The following GALNT10 variants were observed in gnomAD, a reference collection of about 807,000 sequenced individuals.
The protein encoded by GALNT10 is GalNAc transferase 10.
A neutral mutation model predicts 75.0 loss-of-function variants in GALNT10; 41 were observed. The ratio of observed to expected loss-of-function variants is 0.55; its 90% CI spans 0.43 to 0.71. The LOEUF is 0.71. Among genes scored for constraint, GALNT10 ranks in the 30% least tolerant of loss-of-function variants. The pLI, the probability that GALNT10 is intolerant of heterozygous loss-of-function variation, is 0.00. For synonymous variants in GALNT10, 302 were observed against 313.0 expected (o/e 0.96, Z 0.37); for missense variants, 727 against 818.5 (o/e 0.89, Z 1.36).
intron 4 of GALNT10, among the ~76,000 whole-genome samples, chr5:154,355,432 T>C (rs561775962): frequency 2.4e-4 from 36 of 152,334 alleles, no homozygotes; most frequent in Admixed American, 9.8e-4. Flanking sequence ...GCTTGAATGG[T>C]TGGCCTCTCG....
chr5:154,342,319 C>A lies in GALNT10; in HGVS notation c.568+12581C>A, dbSNP rs1431340224. Reference sequence around the variant, plus strand: ...AGTCTGGTGGCCGAGAAAAATGTGACCTTCAAAGCAGACATTCCAAACCTG... The same window carrying A: ...AGTCTGGTGGCCGAGAAAAATGTGAACTTCAAAGCAGACATTCCAAACCTG... On this transcript the variant is annotated intron_variant, in intron 4 of 11. Transcript: ENST00000297107. 2.0e-5 allele frequency among the ~76,000 whole-genome samples: 3 copies of A among 152,184 alleles called. No individual in the cohort carries two copies. The East Asian group carries it at 5.8e-4, about 29-fold the overall frequency.
chr5:154,193,048 TA>T (rs974307302), intron 1 of GALNT10, among the ~76,000 whole-genome samples: 2 of 151,356 alleles, frequency 1.3e-5, no homozygotes, highest in African/African-American at 4.9e-5. Flanking sequence ...TCAGAGCCCC[TA>T]ACTGAAATGG....
At chr5:154,249,257 T>C (rs1002124663) in intron 1 of GALNT10, among the ~76,000 whole-genome samples, 24 of 152,180 alleles carry the variant, frequency 1.6e-4, no homozygotes, top group African/African-American at 5.8e-4. Context: ...AGCCTGAGAA[T>C]TTGCATTTCT....
intron 1 of GALNT10, among the ~76,000 whole-genome samples, chr5:154,240,574 C>T (rs1372688819): frequency 6.6e-6 from 1 of 152,190 alleles, no homozygotes; most frequent in Non-Finnish European, 1.5e-5. Context: ...AGAGGGTGAA[C>T]TTTCCTAGCA....
intron 1 of GALNT10, among the ~76,000 whole-genome samples, chr5:154,221,732 A>G (rs1428886071): frequency 4.6e-5 from 7 of 152,210 alleles, no homozygotes; most frequent in Admixed American, 2.0e-4. Context: ...GGCAACCTCA[A>G]AAAGCCAGTC....
chr5:154,293,613 A>ATATATTTTTTTTTTTTTTTTTT, intron 1 of GALNT10, among the ~76,000 whole-genome samples: 3 of 109,358 alleles, frequency 2.7e-5, no homozygotes, highest in Non-Finnish European at 5.7e-5. Context: ...ATATATATAT[A>ATATATTTTTTTTTTTTTTTTTT]TTTTTTTTTT....
intron 1 of GALNT10, among the ~76,000 whole-genome samples, chr5:154,201,462 C>T (rs1456787820): frequency 2.0e-5 from 3 of 152,160 alleles, no homozygotes; most frequent in Non-Finnish European, 4.4e-5. Context: ...GACAGACTCA[C>T]TTATGTTTAT....
intron 1 of GALNT10, among the ~76,000 whole-genome samples, chr5:154,275,108 G>A (rs1036627591): frequency 6.6e-6 from 1 of 152,210 alleles, no homozygotes; most frequent in East Asian, 1.9e-4. Context: ...TCTATAAAAC[G>A]AATGAGTTGA....
At chr5:154,312,912 G>A (rs1754542636) in intron 3 of GALNT10, among the ~76,000 whole-genome samples, 1 of 152,304 alleles carries the variant, frequency 6.6e-6, no homozygotes, top group Admixed American at 6.5e-5. Flanking sequence ...TTGGTTTAAA[G>A]CTTGAGTATG....
intron 4 of GALNT10, among the ~76,000 whole-genome samples, chr5:154,345,579 A>G (rs1319217645): frequency 2.7e-5 from 4 of 149,936 alleles, no homozygotes; most frequent in Non-Finnish European, 5.9e-5. Context: ...TTCACTTAGC[A>G]TAATGTCCTC....
chr5:154,271,058 C>T (rs1753853577), intron 1 of GALNT10, among the ~76,000 whole-genome samples: 1 of 150,238 alleles, frequency 6.7e-6, no homozygotes, highest in Non-Finnish European at 1.5e-5. Flanking sequence ...GTGTGGCCCA[C>T]TGGATGCCTT....
At chr5:154,255,994 C>G (rs1255128535) in intron 1 of GALNT10, among the ~76,000 whole-genome samples, 1 of 152,106 alleles carries the variant, frequency 6.6e-6, no homozygotes, top group African/African-American at 2.4e-5. Flanking sequence ...AAGTATAACT[C>G]TCTTAAGTAA....
At chr5:154,330,216 C>T (rs777183979) in intron 4 of GALNT10, among the ~76,000 whole-genome samples, 3 of 152,198 alleles carry the variant, frequency 2.0e-5, no homozygotes, top group Non-Finnish European at 2.9e-5. Context: ...GAGCAAAGGG[C>T]ACAAAGCCTT....
intron 1 of GALNT10, among the ~76,000 whole-genome samples, chr5:154,195,392 G>A (rs760786084): frequency 6.6e-6 from 1 of 152,198 alleles, no homozygotes; most frequent in Non-Finnish European, 1.5e-5. Context: ...TTCTCCTCAT[G>A]CGCAGTGGAG....
intron 3 of GALNT10, among the ~76,000 whole-genome samples, chr5:154,319,042 A>G (rs1203085190): frequency 6.6e-6 from 1 of 152,238 alleles, no homozygotes; most frequent in African/African-American, 2.4e-5. Flanking sequence ...GAGGGCCTCA[A>G]CATTGAGGTT....
intron 3 of GALNT10, among the ~76,000 whole-genome samples, chr5:154,307,963 A>C (rs1006870249): frequency 1.1e-4 from 17 of 149,362 alleles, no homozygotes; most frequent in Non-Finnish European, 7.4e-5. Flanking sequence ...ACCCAGTGAA[A>C]ATATCTTCCA....
intron 1 of GALNT10, chr5:154,287,507 C>T (rs1246958241): frequency 2.0e-5 from 3 of 152,074 alleles, no homozygotes; most frequent in East Asian, 3.9e-4. Context: ...CTTCCCCGAT[C>T]GTCCCAGGTA....
At position 154,395,200 on chromosome 5, in the gene GALNT10, A is replaced by C. The variant is rs76376932; in HGVS notation, c.1056+8770A>C. On this transcript the variant is annotated intron_variant, in intron 7 of 11. Coordinates refer to ENST00000297107, the MANE Select transcript of GALNT10 (RefSeq NM_198321.4). ...AAGAACTAAATGGGATGATATGTAT[A>C]TTTGGCCTAGAGCTAACCAAAGAGG... Among the ~76,000 whole-genome samples the C allele has an allele frequency of 3.1e-3, 472 of 152,340 alleles. 3 individuals carry two copies. The highest frequency in any genetic ancestry group is 0.011 in the African/African-American group (437 of 41,574).
chr5:154,323,829 G>A (rs1754713015), intron 3 of GALNT10, among the ~76,000 whole-genome samples: 1 of 152,208 alleles, frequency 6.6e-6, no homozygotes, highest in Admixed American at 6.5e-5. Flanking sequence ...CACCCCCTAC[G>A]ATGTTCAGTG....
Sources: allele counts gnomAD v4.1 joint callset (sites outside exome capture counted in the v4.1 genomes callset), GRCh38; gene constraint gnomAD v4.1.1; transcripts MANE v1.5; gene names NCBI Gene and HGNC (gene_info 2026-07-23, HGNC 2026-07-21).